Variants in BTRC observed in about 807,000 individuals in gnomAD.
BTRC encodes beta-transducin repeat containing E3 ubiquitin protein ligase.
A neutral mutation model predicts 85.5 loss-of-function variants in BTRC; 42 were observed. The observed-to-expected ratio is 0.49, with a 90% confidence interval of 0.38 to 0.64. The LOEUF is 0.64. Among genes scored for constraint, BTRC ranks in the 30% least tolerant of loss-of-function variants. The pLI, the probability that BTRC is intolerant of heterozygous loss-of-function variation, is 0.00. For missense variants in BTRC, 594 were observed against 743.5 expected (o/e 0.80, Z 2.34); for synonymous variants, 255 against 263.3 (o/e 0.97, Z 0.30).
chr10:101,403,904 C>T (rs1282612947), intron 1 of BTRC, among the ~76,000 whole-genome samples: 1 of 142,728 alleles, frequency 7.0e-6, no homozygotes, highest in Non-Finnish European at 1.5e-5. Context: ...CCATTTAGTT[C>T]TTTATATCTG....
chr10:101,387,528 C>CTT lies in BTRC; in HGVS notation c.48+33317_48+33318dup, dbSNP rs535656002. ...TGTGGCTTTTTATACCTTCATGGGA[C>CTT]TTTTTTTTTTTTTTTTTTGAGATAG... On this transcript the variant is annotated intron_variant, in intron 1 of 14. Coordinates refer to ENST00000370187, the MANE Select transcript of BTRC (RefSeq NM_033637.4). 1.0e-3 allele frequency among the ~76,000 whole-genome samples: 45 copies of CTT among 45,092 alleles called. 8 individuals carry two copies. The highest frequency in any genetic ancestry group is 4.9e-3 in the South Asian group (4 of 816). The allele number at this position is 45,092 out of a possible 152,430, so 29.6% of individuals were successfully genotyped here.
chr10:101,464,995 C>G (rs1945334826), intron 3 of BTRC, among the ~76,000 whole-genome samples: 1 of 152,100 alleles, frequency 6.6e-6, no homozygotes, highest in African/African-American at 2.4e-5. Flanking sequence ...TTGATTACCC[C>G]ATTGCTGATT....
intron 2 of BTRC, among the ~76,000 whole-genome samples, chr10:101,442,036 G>A (rs574408052): frequency 2.4e-4 from 37 of 152,212 alleles, no homozygotes; most frequent in African/African-American, 8.2e-4. Flanking sequence ...CTTAGCCTGG[G>A]TTTGTTTCCT....
chr10:101,489,876 C>G (rs971158399), intron 4 of BTRC, among the ~76,000 whole-genome samples: 1 of 152,036 alleles, frequency 6.6e-6, no homozygotes, highest in Non-Finnish European at 1.5e-5. Context: ...CCAAAAATGT[C>G]CAACTGGCTG....
intron 5 of BTRC, among the ~76,000 whole-genome samples, chr10:101,523,068 G>A (rs948933197): frequency 1.3e-5 from 2 of 152,124 alleles, no homozygotes; most frequent in South Asian, 4.1e-4. Flanking sequence ...GCTGGGTGTA[G>A]TAGCACACAC....
In BTRC at chr10:101,401,250, T is replaced by C. The variant is rs148870059; in HGVS notation, c.49-29095T>C. On this transcript the variant is annotated intron_variant, in intron 1 of 14. Coordinates refer to ENST00000370187, the MANE Select transcript of BTRC (RefSeq NM_033637.4). ...TTTGTAAAACCTAATCAGAGGTAAA[T>C]TGCAGTTTTACTCTTATCACGTGAA... Among the ~76,000 whole-genome samples, 28 of 152,308 alleles carry C rather than the reference T, an allele frequency of 1.8e-4. No individual in the cohort carries two copies. The East Asian group carries it at 5.4e-3, about 29-fold the overall frequency.
chr10:101,378,860 A>G (rs1217448178), intron 1 of BTRC, among the ~76,000 whole-genome samples: 2 of 152,152 alleles, frequency 1.3e-5, no homozygotes, highest in Non-Finnish European at 2.9e-5. Context: ...GCTTTGAAGC[A>G]GTATTCAGTA....
At chr10:101,486,838 ATATC>A (rs1269491898) in intron 4 of BTRC, among the ~76,000 whole-genome samples, 1 of 152,190 alleles carries the variant, frequency 6.6e-6, no homozygotes, top group Non-Finnish European at 1.5e-5. Context: ...ATCTCACTGA[ATATC>A]AGACCTTTCT....
At chr10:101,524,233 C>T (rs908941688) in intron 5 of BTRC, among the ~76,000 whole-genome samples, 8 of 152,102 alleles carry the variant, frequency 5.3e-5, no homozygotes, top group Non-Finnish European at 1.2e-4. Flanking sequence ...TTTTTGCCCC[C>T]TCTTTACTCA....
chr10:101,511,912 A>G (rs899690606), intron 4 of BTRC, among the ~76,000 whole-genome samples: 1 of 152,114 alleles, frequency 6.6e-6, no homozygotes, highest in Admixed American at 6.5e-5. Flanking sequence ...CAGCCTCCCA[A>G]AGTGCTGGGA....
chr10:101,452,410 G>C (rs562638432), intron 2 of BTRC, among the ~76,000 whole-genome samples: 9 of 152,292 alleles, frequency 5.9e-5, no homozygotes, highest in African/African-American at 1.9e-4. Flanking sequence ...AACCAGATTG[G>C]AATTCTCCTA....
At chr10:101,461,244 T>TG (rs1246708199) in intron 2 of BTRC, among the ~76,000 whole-genome samples, 1 of 152,164 alleles carries the variant, frequency 6.6e-6, no homozygotes, top group Non-Finnish European at 1.5e-5. Flanking sequence ...ATGTTACTAA[T>TG]GTTGTTGCTG....
At chr10:101,507,471 G>A (rs889284250) in intron 4 of BTRC, among the ~76,000 whole-genome samples, 5 of 152,278 alleles carry the variant, frequency 3.3e-5, no homozygotes, top group Middle Eastern at 3.4e-3. Context: ...ATCCTCACTC[G>A]GTAATTAACT....
At chr10:101,408,810 G>T (rs896024850) in intron 1 of BTRC, among the ~76,000 whole-genome samples, 1 of 152,134 alleles carries the variant, frequency 6.6e-6, no homozygotes, top group African/African-American at 2.4e-5. Flanking sequence ...CATTTGGGAG[G>T]CTGAGGCAGG....
intron 1 of BTRC, among the ~76,000 whole-genome samples, chr10:101,415,304 T>A (rs760535277): frequency 1.9e-4 from 29 of 151,566 alleles, no homozygotes; most frequent in Non-Finnish European, 4.0e-4. Context: ...GTCTCCCGAG[T>A]AGCTGGGACT....
intron 4 of BTRC, among the ~76,000 whole-genome samples, chr10:101,493,613 C>T (rs1368806541): frequency 1.3e-5 from 2 of 152,138 alleles, no homozygotes; most frequent in South Asian, 4.1e-4. Flanking sequence ...TAACAACTAG[C>T]CAGGATTTGG....
rs1272556401 is a variant in BTRC, at chr10:101,554,927, A to G, written c.*1804A>G. 2 of 152,248 alleles carry G rather than the reference A, an allele frequency of 1.3e-5. No individual in the cohort carries two copies. The highest frequency in any genetic ancestry group is 2.4e-5 in the African/African-American group (1 of 41,468). 9.4% of individuals were successfully genotyped at this position (152,248 alleles called of 1,614,324 possible). ...ATTGAGAGTCATTTTATGCATATGC[A>G]TTCTACCTTTCCTGCTTTATGAGTA... is the stretch of plus-strand genomic sequence containing the variant. On this transcript the variant is annotated 3_prime_UTR_variant, in exon 15 of 15. Transcript: ENST00000370187.
intron 6 of BTRC, among the ~76,000 whole-genome samples, chr10:101,528,560 T>A (rs2062234062): frequency 1.3e-5 from 2 of 152,216 alleles, no homozygotes; most frequent in Non-Finnish European, 2.9e-5. Flanking sequence ...ATGTTTATCC[T>A]CTTAATCCCA....
At chr10:101,415,520 T>A (rs1943917216) in intron 1 of BTRC, among the ~76,000 whole-genome samples, 1 of 7,700 alleles carries the variant, frequency 1.3e-4, no homozygotes, top group African/African-American at 1.7e-4. Flanking sequence ...TGTTATGTTA[T>A]GTTATGTTAT....
Sources: gnomAD v4.1 joint callset for allele counts (sites outside exome capture counted in the v4.1 genomes callset) on GRCh38, gnomAD v4.1.1 for gene constraint, MANE v1.5 for transcripts, NCBI Gene and HGNC (gene_info 2026-07-23, HGNC 2026-07-21) for gene names.